The following GATB variants were observed in gnomAD, a reference collection of about 807,000 sequenced individuals.
GATB encodes the protein glutamyl-tRNA amidotransferase subunit B.
GATB carries 39 observed loss-of-function variants against 62.3 expected under a neutral mutation model. The ratio of observed to expected loss-of-function variants is 0.63; its 90% CI spans 0.48 to 0.82. The LOEUF is 0.82. Ranked by LOEUF, GATB falls within the 40% of genes least tolerant of loss-of-function variation. GATB has a pLI of 0.00. For synonymous variants in GATB, 276 were observed against 258.9 expected, an observed-to-expected ratio of 1.07 and a Z score of -0.63; for missense variants, 670 against 684.0, an observed-to-expected ratio of 0.98 and a Z score of 0.23.
At chr4:151,697,671 A>G (rs1317475362) in intron 9 of GATB, among the ~76,000 whole-genome samples, 2 of 148,686 alleles carry the variant, frequency 1.3e-5, no homozygotes, top group East Asian at 3.9e-4. Flanking sequence ...ATATATATAA[A>G]TTTATATATA....
chr4:151,678,190 T>C (rs1738050553), intron 11 of GATB, among the ~76,000 whole-genome samples: 1 of 152,186 alleles, frequency 6.6e-6, no homozygotes, highest in Non-Finnish European at 1.5e-5. Flanking sequence ...CTAGCCAGGC[T>C]TGTATTTTCG....
intron 2 of GATB, among the ~76,000 whole-genome samples, chr4:151,751,282 T>C (rs1739716348): frequency 6.6e-6 from 1 of 152,224 alleles, no homozygotes; most frequent in Non-Finnish European, 1.5e-5. Context: ...GTTTGATTAT[T>C]ACCTAACGTT....
chr4:151,719,557 C>CAGTT lies in GATB; in HGVS notation c.328-23_328-20dup, dbSNP rs1453396673. On this transcript the variant is annotated intron_variant, in intron 2 of 12. Coordinates refer to ENST00000263985, the MANE Select transcript of GATB (RefSeq NM_004564.3). ...TGAGAACCTATGGGAACACAACACA[C>CAGTT]AGTTCCTCTCAGAACCGCAGGCTGA... 2.7e-6 allele frequency: 4 copies of CAGTT among 1,506,880 alleles called. No individual in the cohort carries two copies. The highest frequency in any genetic ancestry group is 1.9e-5 in the Admixed American group (1 of 51,988). 93.3% of individuals were successfully genotyped at this position (1,506,880 alleles called of 1,614,324 possible). A position where few individuals can be genotyped will look rare whatever the true frequency, so the allele number is the denominator to read the frequency against.
intron 9 of GATB, among the ~76,000 whole-genome samples, chr4:151,699,036 A>G (rs2126967364): frequency 6.6e-6 from 1 of 152,208 alleles, no homozygotes; most frequent in Non-Finnish European, 1.5e-5. Flanking sequence ...GGCAAAAAAA[A>G]TCTTTAAAAA....
chr4:151,679,461 C>T (rs1304589757), intron 11 of GATB, among the ~76,000 whole-genome samples: 1 of 152,106 alleles, frequency 6.6e-6, no homozygotes, highest in African/African-American at 2.4e-5. Context: ...GGGGGCGGGA[C>T]AAGAGCCCCA....
At chr4:151,690,895 G>A (rs1255572977) in intron 9 of GATB, among the ~76,000 whole-genome samples, 1 of 152,170 alleles carries the variant, frequency 6.6e-6, no homozygotes, top group Non-Finnish European at 1.5e-5. Flanking sequence ...GGGGCTGAAG[G>A]AGGCTGAGCT....
intron 2 of GATB, among the ~76,000 whole-genome samples, chr4:151,755,169 T>C (rs1305946782): frequency 7.9e-5 from 12 of 152,212 alleles, no homozygotes; most frequent in Admixed American, 7.8e-4. Context: ...TTCATTTAAT[T>C]CTCACACAAA....
intron 10 of GATB, among the ~76,000 whole-genome samples, chr4:151,687,582 A>C (rs1375603793): frequency 6.6e-6 from 1 of 152,186 alleles, no homozygotes; most frequent in Non-Finnish European, 1.5e-5. Flanking sequence ...TCAGACGCTG[A>C]ATATTTGTGT....
At chr4:151,671,330 G>A (rs1261747314) in intron 12 of GATB, 28 bp from the exon 13 acceptor site, 1 of 1,027,768 alleles carries the variant, frequency 9.7e-7, no homozygotes, top group Non-Finnish European at 1.3e-6. Context: ...ACTTACTTAA[G>A]AGGAGAAAAT....
intron 2 of GATB, among the ~76,000 whole-genome samples, chr4:151,725,169 C>A (rs1363663947): frequency 6.6e-6 from 1 of 152,206 alleles, no homozygotes; most frequent in Admixed American, 6.5e-5. Context: ...AAGACCCATC[C>A]TCTATCAGAG....
intron 2 of GATB, among the ~76,000 whole-genome samples, chr4:151,746,006 C>G (rs1386106119): frequency 1.3e-5 from 2 of 152,206 alleles, no homozygotes; most frequent in African/African-American, 2.4e-5. Flanking sequence ...ACAAGCAAAA[C>G]AAGAGCAGAG....
intron 2 of GATB, among the ~76,000 whole-genome samples, chr4:151,744,372 G>A (rs17360461): frequency 0.05 from 7,646 of 152,216 alleles, 273 homozygotes; most frequent in Non-Finnish European, 0.083. Flanking sequence ...CTTTAGAAGC[G>A]TATAATCAAA....
chr4:151,743,367 C>T (rs1191219577), intron 2 of GATB, among the ~76,000 whole-genome samples: 1 of 152,194 alleles, frequency 6.6e-6, no homozygotes, highest in East Asian at 1.9e-4. Flanking sequence ...AGATCTCACA[C>T]CTAGAGGGCA....
chr4:151,686,545 C>T (rs1485864460), intron 10 of GATB, among the ~76,000 whole-genome samples: 3 of 151,784 alleles, frequency 2.0e-5, no homozygotes, highest in African/African-American at 4.8e-5. Flanking sequence ...TGCCTATGTG[C>T]CCCCAGAGAA....
At chr4:151,709,401 C>T (rs1738775294) in intron 5 of GATB, among the ~76,000 whole-genome samples, 1 of 152,208 alleles carries the variant, frequency 6.6e-6, no homozygotes, top group South Asian at 2.1e-4. Context: ...GACTTCTCAA[C>T]ACTTTTACAA....
At position 151,730,341 on chromosome 4, in the gene GATB, A is replaced by T. The variant is rs187333909; in HGVS notation, c.328-10803T>A. Among the ~76,000 whole-genome samples the T allele has an allele frequency of 6.6e-6, 1 of 152,190 alleles. No individual in the cohort carries two copies. Among genetic ancestry groups the T allele is most frequent in the East Asian group, 1.9e-4 (1 of 5,180 alleles). On this transcript the variant is annotated intron_variant, in intron 2 of 12. Transcript: ENST00000263985. This position sits in a 1 kb window ranked among gnomAD's most constrained non-coding sequence, Gnocchi z 4.1. ...CCACCTGATGGTCCTTCCCTACTCA[A>T]CCTGGTAACAGAAGACGAAGGACAT... is the stretch of plus-strand genomic sequence containing the variant.
intron 2 of GATB, among the ~76,000 whole-genome samples, chr4:151,748,954 G>A (rs372054816): frequency 6.6e-6 from 1 of 152,110 alleles, no homozygotes; most frequent in Non-Finnish European, 1.5e-5. Context: ...CAAAACCACA[G>A]TGAGATATCA....
intron 2 of GATB, among the ~76,000 whole-genome samples, chr4:151,725,055 T>C (rs1475591717): frequency 1.3e-5 from 2 of 152,192 alleles, no homozygotes; most frequent in African/African-American, 4.8e-5. Context: ...GAGGGCACAT[T>C]TGGGCAAGTT....
At chr4:151,691,888 A>G (rs1408805166) in intron 9 of GATB, among the ~76,000 whole-genome samples, 33 of 152,208 alleles carry the variant, frequency 2.2e-4, no homozygotes, top group Admixed American at 2.2e-3. Context: ...GTTGAGGAAC[A>G]GCTGGTTATG....
Sources: gnomAD v4.1 joint callset for allele counts (sites outside exome capture counted in the v4.1 genomes callset) on GRCh38, gnomAD v4.1.1 for gene constraint, Gnocchi (gnomAD v3.1) non-coding constraint, MANE v1.5 for transcripts, NCBI Gene and HGNC (gene_info 2026-07-23, HGNC 2026-07-21) for gene names.